The following IMMP2L variants were observed in gnomAD, a reference collection of about 807,000 sequenced individuals.
The protein encoded by IMMP2L is inner mitochondrial membrane peptidase subunit 2, also known as mitochondrial inner membrane protease subunit 2.
Under a neutral mutation model 19.3 loss-of-function variants are expected in IMMP2L, and 18 were observed. That is an observed-to-expected ratio of 0.93 (90% CI 0.64 to 1.38). The LOEUF (loss-of-function observed/expected upper bound fraction) is 1.38, where lower values mean the gene tolerates loss of function less well. IMMP2L is among the 40% of genes most tolerant of loss of function. The probability of loss-of-function intolerance (pLI) is 0.00; values close to 1 mark genes in which losing one functional copy is unlikely to be tolerated. For synonymous variants in IMMP2L, 76 were observed against 73.0 expected, an observed-to-expected ratio of 1.04 and a Z score of -0.21; for missense variants, 233 against 218.2, an observed-to-expected ratio of 1.07 and a Z score of -0.43.
intron 3 of IMMP2L, among the ~76,000 whole-genome samples, chr7:111,201,852 G>A (rs966882269): frequency 1.3e-5 from 2 of 152,172 alleles, no homozygotes; most frequent in African/African-American, 4.8e-5. Flanking sequence ...CCATCATGTG[G>A]GAACACAGCA....
At chr7:110,835,984 T>C (rs1035923357) in intron 5 of IMMP2L, among the ~76,000 whole-genome samples, 1 of 152,172 alleles carries the variant, frequency 6.6e-6, no homozygotes, top group Non-Finnish European at 1.5e-5. Flanking sequence ...AATTGTTCAC[T>C]GTCATTTGTA....
chr7:110,838,946 C>T (rs1486923926), intron 5 of IMMP2L, among the ~76,000 whole-genome samples: 1 of 151,672 alleles, frequency 6.6e-6, no homozygotes, highest in African/African-American at 2.4e-5. Flanking sequence ...ATTTTGTTTT[C>T]CATGAATATT....
chr7:110,704,714 G>T (rs1333556845), intron 5 of IMMP2L, among the ~76,000 whole-genome samples: 1 of 152,192 alleles, frequency 6.6e-6, no homozygotes, highest in Admixed American at 6.5e-5. Context: ...CTTTTCCAAA[G>T]AAAAGAGAAG....
At chr7:111,376,979 T>C (rs1467183418) in intron 3 of IMMP2L, among the ~76,000 whole-genome samples, 1 of 152,036 alleles carries the variant, frequency 6.6e-6, no homozygotes, top group East Asian at 1.9e-4. Flanking sequence ...TTCTGATGAA[T>C]GTACAACTCT....
intron 5 of IMMP2L, among the ~76,000 whole-genome samples, chr7:110,799,835 G>A (rs1801123337): frequency 6.6e-6 from 1 of 152,058 alleles, no homozygotes; most frequent in Non-Finnish European, 1.5e-5. Flanking sequence ...CACTGGTTGA[G>A]GCTTTGCTTC....
chr7:110,998,940 G>C (rs1585667280), intron 3 of IMMP2L, among the ~76,000 whole-genome samples: 1 of 152,138 alleles, frequency 6.6e-6, no homozygotes, highest in South Asian at 2.1e-4. Flanking sequence ...GATTAGGAGA[G>C]AAATATTCTG....
intron 5 of IMMP2L, among the ~76,000 whole-genome samples, chr7:110,811,129 G>C (rs1262649381): frequency 6.6e-6 from 1 of 151,930 alleles, no homozygotes; most frequent in African/African-American, 2.4e-5. Context: ...ACATGTACTC[G>C]GGTAATGAAA....
intron 4 of IMMP2L, among the ~76,000 whole-genome samples, chr7:110,944,340 G>C (rs1291965694): frequency 1.3e-5 from 2 of 152,036 alleles, no homozygotes; most frequent in East Asian, 3.9e-4. Context: ...GATGTTCTTA[G>C]ATGGATGGGG....
intron 5 of IMMP2L, among the ~76,000 whole-genome samples, chr7:110,777,899 T>C (rs1452620524): frequency 6.6e-6 from 1 of 152,036 alleles, no homozygotes; most frequent in African/African-American, 2.4e-5. Context: ...TTTGACTTGT[T>C]TTTCATTTAT....
Position 110,663,566 on chromosome 7 carries a change from C to A in IMMP2L, c.*36G>T. 1.2e-6 allele frequency: 2 copies of A among 1,608,024 alleles called. No homozygotes were observed. Among genetic ancestry groups the A allele is most frequent in the Non-Finnish European group, 1.7e-6 (2 of 1,175,528 alleles). On this transcript the variant is annotated 3_prime_UTR_variant, in exon 6 of 6. Transcript: ENST00000405709. Reference sequence around the variant, plus strand: ...TTTTCCATTCCTTTCCAGTAACTGGCCTCCCAATGCCAGCAACTCAGGTAG... The same window carrying A: ...TTTTCCATTCCTTTCCAGTAACTGGACTCCCAATGCCAGCAACTCAGGTAG...
chr7:110,901,311 T>G (rs958466867), intron 4 of IMMP2L, among the ~76,000 whole-genome samples: 2 of 152,160 alleles, frequency 1.3e-5, no homozygotes, highest in Admixed American at 6.5e-5. Context: ...TCAATAAATA[T>G]ATACTGACTA....
At chr7:110,692,733 C>A (rs1339500082) in intron 5 of IMMP2L, among the ~76,000 whole-genome samples, 2 of 152,110 alleles carry the variant, frequency 1.3e-5, no homozygotes. Flanking sequence ...CTATTCAGAG[C>A]AGTCTGAACC....
intron 1 of IMMP2L, among the ~76,000 whole-genome samples, chr7:111,551,603 G>T (rs7790753): frequency 0.79 from 120,086 of 151,468 alleles, 49,574 homozygotes; most frequent in East Asian, 0.97. Context: ...AAATATCTGA[G>T]TCATTTATGA....
intron 3 of IMMP2L, among the ~76,000 whole-genome samples, chr7:111,084,842 G>A (rs560275840): frequency 6.6e-6 from 1 of 152,300 alleles, no homozygotes; most frequent in African/African-American, 2.4e-5. Context: ...AATATTGATA[G>A]CTCTTCTGAG....
At chr7:110,958,743 G>C (rs1264362205) in intron 4 of IMMP2L, among the ~76,000 whole-genome samples, 3 of 151,982 alleles carry the variant, frequency 2.0e-5, no homozygotes, top group African/African-American at 7.2e-5. Flanking sequence ...TCTGTCATGT[G>C]GATAGGTCCT....
intron 5 of IMMP2L, among the ~76,000 whole-genome samples, chr7:110,831,929 G>A (rs1263499316): frequency 6.6e-6 from 1 of 152,136 alleles, no homozygotes; most frequent in African/African-American, 2.4e-5. Flanking sequence ...GTCCCAGCAG[G>A]GTTTTTTTTA....
intron 2 of IMMP2L, among the ~76,000 whole-genome samples, chr7:111,495,841 CT>C (rs965524237): frequency 2.6e-5 from 4 of 152,062 alleles, no homozygotes; most frequent in Non-Finnish European, 5.9e-5. Flanking sequence ...TGCTTTCAAC[CT>C]TTTCAGGCTT....
chr7:111,479,180 T>C (rs1841972117), intron 3 of IMMP2L, among the ~76,000 whole-genome samples: 1 of 152,182 alleles, frequency 6.6e-6, no homozygotes, highest in South Asian at 2.1e-4. Context: ...CTATTGCTGC[T>C]TGGTTTCTCA....
rs1796767759 is a variant in IMMP2L, at chr7:111,090,673, T to C, written c.240-127108A>G. On this transcript the variant is annotated intron_variant, in intron 3 of 5. Coordinates refer to ENST00000405709, the MANE Select transcript of IMMP2L (RefSeq NM_032549.4). ...CATATGCTAAATTAAGTAGGATCTA[T>C]AGAGAACCAAATGCCACTCAAAACA... is the stretch of plus-strand genomic sequence containing the variant. 4.6e-5 allele frequency among the ~76,000 whole-genome samples: 7 copies of C among 151,398 alleles called. No individual in the cohort carries two copies. The South Asian group carries it at 1.5e-3, about 31-fold the overall frequency.
Sources: allele counts gnomAD v4.1 joint callset (sites outside exome capture counted in the v4.1 genomes callset), GRCh38; gene constraint gnomAD v4.1.1; transcripts MANE v1.5; gene names NCBI Gene and HGNC (gene_info 2026-07-23, HGNC 2026-07-21).